The following HEATR5A variants were observed in gnomAD, a reference collection of about 807,000 sequenced individuals.
The protein encoded by HEATR5A is HEAT repeat containing 5A.
In HEATR5A, 178 loss-of-function variants were observed where a neutral mutation model predicts 218.8. The ratio of observed to expected loss-of-function variants is 0.81; its 90% CI spans 0.72 to 0.92. The LOEUF is 0.92. HEATR5A is among the 40% of genes least tolerant of loss of function. The pLI is 0.00. For missense variants in HEATR5A, 2,420 were observed against 2,418.9 expected, an observed-to-expected ratio of 1.00 and a Z score of -0.01; for synonymous variants, 864 against 871.6, an observed-to-expected ratio of 0.99 and a Z score of 0.15.
At chr14:31,400,566 TC>T (rs2030833339) in intron 2 of HEATR5A, 54 bp from the exon 3 acceptor site, 3 of 1,126,572 alleles carry the variant, frequency 2.7e-6, no homozygotes, top group Non-Finnish European at 2.4e-6. Context: ...TTATCTGTAA[TC>T]CCCTAATATA....
chr14:31,351,609 A>T (rs1464337583), intron 16 of HEATR5A, among the ~76,000 whole-genome samples: 1 of 152,088 alleles, frequency 6.6e-6, no homozygotes, highest in Non-Finnish European at 1.5e-5. Context: ...GTATAGTCCC[A>T]AGTATATTTT....
At chr14:31,307,869 C>T in intron 30 of HEATR5A, 24 bp downstream of exon 30, 2 of 1,599,842 alleles carry the variant, frequency 1.3e-6, no homozygotes, top group Non-Finnish European at 1.7e-6. Context: ...AGAAGCCTTA[C>T]AAAAAAAACC....
chr14:31,374,286 A>T (rs1902144765), intron 12 of HEATR5A, among the ~76,000 whole-genome samples: 1 of 142,394 alleles, frequency 7.0e-6, no homozygotes, highest in Non-Finnish European at 1.5e-5. Flanking sequence ...CCTGGGCAAC[A>T]GTGAGACCCT....
Position 31,386,419 on chromosome 14 carries a change from C to T in HEATR5A, c.1345+1G>A, listed in dbSNP as rs2030224895. The T allele has an allele frequency of 3.7e-6, 6 of 1,612,470 alleles. No individual in the cohort carries two copies. The highest frequency in any genetic ancestry group is 4.2e-6 in the Non-Finnish European group (5 of 1,178,992). On this transcript the variant is annotated splice_donor_variant, in intron 9 of 35. Coordinates refer to ENST00000543095, the MANE Select transcript of HEATR5A (RefSeq NM_015473.4). LOFTEE classifies it high-confidence loss of function. ...TTCCAATGAGTCACAAACAGATATA[C>T]CTGTACTTGAATCCTGTAGCAAAGG...
chr14:31,321,968 C>T (rs980639517), intron 24 of HEATR5A, among the ~76,000 whole-genome samples: 1 of 152,104 alleles, frequency 6.6e-6, no homozygotes, highest in Non-Finnish European at 1.5e-5. Context: ...TTTTGTTCAG[C>T]TTTTATGATA....
chr14:31,336,961 A>T (rs1229546160), intron 22 of HEATR5A, among the ~76,000 whole-genome samples: 1 of 152,272 alleles, frequency 6.6e-6, no homozygotes, highest in African/African-American at 2.4e-5. Context: ...CTCATAGGCT[A>T]CAAACCCATA....
chr14:31,309,223 C>A, intron 28 of HEATR5A, 41 bp from the exon 29 acceptor site: 1 of 1,591,238 alleles, frequency 6.3e-7, no homozygotes, highest in South Asian at 1.1e-5. Context: ...GATTAACTTC[C>A]AATATATTTT....
chr14:31,337,626 C>T lies in HEATR5A; in HGVS notation c.3229-12G>A. On this transcript the variant is annotated splice_polypyrimidine_tract_variant and intron_variant, in intron 21 of 35. Coordinates refer to ENST00000543095, the MANE Select transcript of HEATR5A (RefSeq NM_015473.4). The stretch of plus-strand genomic sequence containing the variant: ...CTACAAAGATTCACCTGAAAAATAC[C>T]ATTTGAGGAACGACAGAGCTAAAAT... The T allele has an allele frequency of 6.3e-7, 1 of 1,595,114 alleles. No individual in the cohort carries two copies. The highest frequency in any genetic ancestry group is 8.5e-7 in the Non-Finnish European group (1 of 1,169,806).
intron 33 of HEATR5A, among the ~76,000 whole-genome samples, chr14:31,298,814 T>TA (rs34486823): frequency 0.024 from 3,615 of 151,870 alleles, 131 homozygotes; most frequent in African/African-American, 0.083. Context: ...AATGTCACCT[T>TA]AAAAAAAAGT....
intron 16 of HEATR5A, among the ~76,000 whole-genome samples, chr14:31,356,685 T>G (rs543309208): frequency 2.0e-4 from 31 of 152,308 alleles, no homozygotes; most frequent in African/African-American, 7.2e-4. Context: ...ATTATTATTA[T>G]TATAACTTAG....
At chr14:31,338,234 C>T (rs755052929) in intron 21 of HEATR5A, among the ~76,000 whole-genome samples, 2 of 152,230 alleles carry the variant, frequency 1.3e-5, no homozygotes, top group Middle Eastern at 3.4e-3. Flanking sequence ...TACCACAGTA[C>T]CTGTCAAATA....
In HEATR5A at chr14:31,344,072, T is replaced by C; in HGVS notation, c.3059-7A>G. On this transcript the variant is annotated splice_region_variant and splice_polypyrimidine_tract_variant and intron_variant, in intron 20 of 35. Coordinates refer to ENST00000543095, the MANE Select transcript of HEATR5A (RefSeq NM_015473.4). ...GAAATTGAAGTACTGTTACCTAAAA[T>C]AAAAAGCAGAAAGCTTTTAATAATT... is the stretch of plus-strand genomic sequence containing the variant. 6.8e-7 allele frequency: 1 copy of C among 1,475,066 alleles called. No individual in the cohort carries two copies. The allele number at this position is 1,475,066 out of a possible 1,614,324, so 91.4% of individuals were successfully genotyped here. A position where few individuals can be genotyped will look rare whatever the true frequency, so the allele number is the denominator to read the frequency against.
At chr14:31,320,163 C>T in intron 25 of HEATR5A, 1 of 515,200 alleles carries the variant, frequency 1.9e-6, no homozygotes, top group Non-Finnish European at 3.6e-6. Context: ...TAGCACACCC[C>T]AGCACCAGGA....
intron 4 of HEATR5A, among the ~76,000 whole-genome samples, chr14:31,396,163 C>T (rs2030645638): frequency 6.6e-6 from 1 of 152,072 alleles, no homozygotes; most frequent in African/African-American, 2.4e-5. Context: ...TCGAGACCAG[C>T]CTGGGCAACA....
At position 31,383,630 on chromosome 14, in the gene HEATR5A, G is replaced by C; in HGVS notation, c.1487C>G (p.Thr496Ser). ...TGCTTCAGGTGAAGACTTATGTCCAGTAAGCCGTTCAAGGCAACGATCCAA... is the reference window on the plus strand; with the variant it reads ...TGCTTCAGGTGAAGACTTATGTCCACTAAGCCGTTCAAGGCAACGATCCAA... ...PLLDRCLERLTGHKSSPEAVT... is the reference protein window; with the variant it reads ...PLLDRCLERLSGHKSSPEAVT... The change falls in exon 10 of 36, where the codon ACT (threonine) becomes AGT (serine). Residue 496 changes from threonine to serine, a missense_variant. Physicochemically the swap from Thr to Ser is moderately conservative, Grantham distance 58 (BLOSUM62 1). Coordinates refer to ENST00000543095, the MANE Select transcript of HEATR5A (RefSeq NM_015473.4). 1 of 1,613,998 alleles carries C rather than the reference G, an allele frequency of 6.2e-7. No individual in the cohort carries two copies. The highest frequency in any genetic ancestry group is 8.5e-7 in the Non-Finnish European group (1 of 1,179,896).
chr14:31,331,540 GCCTATTA>G (rs752725591), intron 22 of HEATR5A, among the ~76,000 whole-genome samples: 10 of 152,074 alleles, frequency 6.6e-5, no homozygotes, highest in Non-Finnish European at 1.2e-4. Context: ...TCCAACCACT[GCCTATTA>G]CCCAATTCTA....
chr14:31,383,591 CTG>C lies in HEATR5A; in HGVS notation c.1524_1525del (p.Phe508LeufsTer67). 1 of 1,614,002 alleles carries C rather than the reference CTG, an allele frequency of 6.2e-7. No homozygotes were observed. Among genetic ancestry groups the C allele is most frequent in the Admixed American group, 1.7e-5 (1 of 60,026 alleles). On this transcript the variant is annotated frameshift_variant, in exon 10 of 36. Coordinates refer to ENST00000543095, the MANE Select transcript of HEATR5A (RefSeq NM_015473.4). LOFTEE classifies it high-confidence loss of function. ...TCCCAACAAAGCTGCTACAGCAAAACTGAAGCCAGTCACTGCTTCAGGTGAAG... is the reference window on the plus strand; with the variant it reads ...TCCCAACAAAGCTGCTACAGCAAAACAAGCCAGTCACTGCTTCAGGTGAAG...
In HEATR5A at chr14:31,320,180, C is replaced by T. The variant is rs147822936; in HGVS notation, c.3969+1319G>A. 161 of 574,410 alleles carry T rather than the reference C, an allele frequency of 2.8e-4. No homozygotes were observed. The East Asian group carries it at 5.6e-3, about 20-fold the overall frequency. The allele number at this position is 574,410 out of a possible 1,614,324, so 35.6% of individuals were successfully genotyped here. ...GCACACCCCAGCACCAGGAATGGCG[C>T]GGAGTTGCAGCTGCAGGGACAGGCA... On this transcript the variant is annotated intron_variant, in intron 25 of 35. Transcript: ENST00000543095.
At chr14:31,385,494 G>A (rs2030181024) in intron 9 of HEATR5A, among the ~76,000 whole-genome samples, 1 of 152,092 alleles carries the variant, frequency 6.6e-6, no homozygotes, top group Non-Finnish European at 1.5e-5. Flanking sequence ...TATATTGAAT[G>A]ATTTTTTTTT....
Sources: allele counts gnomAD v4.1 joint callset (sites outside exome capture counted in the v4.1 genomes callset), GRCh38; gene constraint gnomAD v4.1.1; transcripts MANE v1.5; gene names NCBI Gene and HGNC (gene_info 2026-07-23, HGNC 2026-07-21).